Variants in MYT1L observed in about 807,000 individuals in gnomAD.
MYT1L encodes the protein myelin transcription factor 1 like.
A neutral mutation model predicts 126.7 loss-of-function variants in MYT1L; 12 were observed. The ratio of observed to expected loss-of-function variants is 0.09; its 90% CI spans 0.06 to 0.15. MYT1L has a LOEUF of 0.15. Among genes scored for constraint, MYT1L ranks in the 10% least tolerant of loss-of-function variants. MYT1L has a pLI of 1.00. For synonymous variants in MYT1L, 541 were observed against 604.2 expected (o/e 0.90, Z 1.53); for missense variants, 979 against 1,585.2 (o/e 0.62, Z 6.49).
chr2:2,268,485 C>A (rs76503066), intron 2 of MYT1L, among the ~76,000 whole-genome samples: 3,726 of 152,152 alleles, frequency 0.024, 121 homozygotes, highest in African/African-American at 0.085. Flanking sequence ...GAAAATTATT[C>A]ATAAATTTCT....
intron 8 of MYT1L, among the ~76,000 whole-genome samples, chr2:1,964,813 T>G (rs1472172934): frequency 6.6e-6 from 1 of 152,186 alleles, no homozygotes; most frequent in Non-Finnish European, 1.5e-5. Flanking sequence ...AACAGGTGTC[T>G]GTGCTTCCGG....
At chr2:2,002,530 G>T (rs564945933) in intron 4 of MYT1L, among the ~76,000 whole-genome samples, 1 of 152,216 alleles carries the variant, frequency 6.6e-6, no homozygotes. Flanking sequence ...GAGACAATGA[G>T]GATGGAATGT....
At chr2:2,216,776 G>T (rs1377498564) in intron 2 of MYT1L, among the ~76,000 whole-genome samples, 4 of 149,790 alleles carry the variant, frequency 2.7e-5, no homozygotes, top group Non-Finnish European at 6.0e-5. Context: ...GGTCAGGCTG[G>T]TCAGGAGAGA....
At chr2:1,794,804 T>G (rs1031703201) in intron 23 of MYT1L, among the ~76,000 whole-genome samples, 3 of 152,166 alleles carry the variant, frequency 2.0e-5, no homozygotes, top group Non-Finnish European at 4.4e-5. Flanking sequence ...TTTGCTTTTC[T>G]CAAAATGGAA....
chr2:1,965,927 G>C, intron 8 of MYT1L, among the ~76,000 whole-genome samples: 1 of 152,268 alleles, frequency 6.6e-6, no homozygotes, highest in Non-Finnish European at 1.5e-5. Flanking sequence ...GTGTGAGACA[G>C]TTACGTGCCG....
At chr2:2,088,422 G>A (rs1450885161) in intron 3 of MYT1L, among the ~76,000 whole-genome samples, 3 of 152,134 alleles carry the variant, frequency 2.0e-5, no homozygotes, top group Admixed American at 6.5e-5. Flanking sequence ...TCCTGGTGGT[G>A]AGGCCTGTGC....
At chr2:2,144,669 T>C (rs1159063482) in intron 3 of MYT1L, among the ~76,000 whole-genome samples, 1 of 152,184 alleles carries the variant, frequency 6.6e-6, no homozygotes. Context: ...AGTCCAGCTA[T>C]GTGGTCATCG....
chr2:1,960,483 T>G (rs2058872178), intron 8 of MYT1L, among the ~76,000 whole-genome samples: 1 of 152,244 alleles, frequency 6.6e-6, no homozygotes, highest in African/African-American at 2.4e-5. Context: ...AGCCATTTAT[T>G]AAATTAAAGT....
chr2:2,307,703 A>G (rs1443822763), intron 1 of MYT1L, among the ~76,000 whole-genome samples: 1 of 151,728 alleles, frequency 6.6e-6, no homozygotes, highest in Non-Finnish European at 1.5e-5. Flanking sequence ...TCTATACTCC[A>G]CCCATGTTTC....
At chr2:1,864,359 G>T (rs1467712716) in intron 18 of MYT1L, among the ~76,000 whole-genome samples, 1 of 152,162 alleles carries the variant, frequency 6.6e-6, no homozygotes, top group Non-Finnish European at 1.5e-5. Flanking sequence ...TCCCTGCCAT[G>T]GGTGCATCCA....
chr2:1,835,083 C>T (rs6757614), intron 21 of MYT1L, among the ~76,000 whole-genome samples: 17 of 126,360 alleles, frequency 1.3e-4, no homozygotes, highest in African/African-American at 3.8e-4. Flanking sequence ...CCATATACCA[C>T]GGGGATGGAT....
At chr2:2,207,797 A>G (rs1362820031) in intron 2 of MYT1L, among the ~76,000 whole-genome samples, 2 of 152,220 alleles carry the variant, frequency 1.3e-5, no homozygotes, top group African/African-American at 4.8e-5. Context: ...AATCCTTGAA[A>G]CACACTCATG....
At chr2:1,886,368 G>C in intron 18 of MYT1L, 171 bp downstream of exon 18, 1 of 455,672 alleles carries the variant, frequency 2.2e-6, no homozygotes, top group African/African-American at 2.0e-5. Flanking sequence ...GGGTTGTGTG[G>C]AAAAGTGGCT....
At chr2:1,866,866 GAGATGGGCAGAGAA>G (rs2045633044) in intron 18 of MYT1L, among the ~76,000 whole-genome samples, 1 of 141,986 alleles carries the variant, frequency 7.0e-6, no homozygotes, top group Non-Finnish European at 1.5e-5. Flanking sequence ...AGGGCAGAGA[GAGATGGGCAGAGAA>G]AGAGAGAGGG....
intron 3 of MYT1L, among the ~76,000 whole-genome samples, chr2:2,151,830 T>A (rs1251818033): frequency 6.6e-6 from 1 of 151,872 alleles, no homozygotes; most frequent in Non-Finnish European, 1.5e-5. Flanking sequence ...CCAAGGTGGG[T>A]GATCACCTGA....
At chr2:1,853,865 T>C (rs1452508315) in intron 18 of MYT1L, among the ~76,000 whole-genome samples, 1 of 152,188 alleles carries the variant, frequency 6.6e-6, no homozygotes, top group African/African-American at 2.4e-5. Flanking sequence ...GAAAATCATA[T>C]TTTTACTACC....
At chr2:2,056,731 CG>C (rs1486504181) in intron 3 of MYT1L, among the ~76,000 whole-genome samples, 3 of 152,190 alleles carry the variant, frequency 2.0e-5, no homozygotes, top group African/African-American at 7.2e-5. Context: ...AACTCTTAAA[CG>C]GCATGTTTAG....
chr2:1,958,320 G>A (rs1414611181), intron 8 of MYT1L, among the ~76,000 whole-genome samples: 1 of 152,006 alleles, frequency 6.6e-6, no homozygotes, highest in East Asian at 1.9e-4. Flanking sequence ...ATGGAACCCA[G>A]AGAACCAGAG....
chr2:2,240,639 T>C (rs148513542), intron 2 of MYT1L, among the ~76,000 whole-genome samples: 16 of 152,326 alleles, frequency 1.1e-4, no homozygotes, highest in African/African-American at 3.8e-4. Context: ...CTTACTTCCA[T>C]ATGGACTGGA....
Sources: allele counts gnomAD v4.1 joint callset (sites outside exome capture counted in the v4.1 genomes callset), GRCh38; gene constraint gnomAD v4.1.1; transcripts MANE v1.5; gene names NCBI Gene and HGNC (gene_info 2026-07-23, HGNC 2026-07-21).